The following MMRN1 variants were observed in gnomAD, a reference collection of about 807,000 sequenced individuals.
MMRN1 encodes multimerin-1.
MMRN1 carries 94 observed loss-of-function variants against 100.7 expected under a neutral mutation model. That is an observed-to-expected ratio of 0.93 (90% CI 0.79 to 1.11). The LOEUF is 1.11. MMRN1 is among the 50% of genes least tolerant of loss of function. The probability of loss-of-function intolerance (pLI) is 0.00; values close to 1 mark genes in which losing one functional copy is unlikely to be tolerated. For missense variants in MMRN1, 1,606 were observed against 1,439.1 expected (o/e 1.12, Z -1.88); for synonymous variants, 575 against 505.0 (o/e 1.14, Z -1.86).
intron 1 of MMRN1, among the ~76,000 whole-genome samples, chr4:89,889,073 C>G (rs1720995679): frequency 6.6e-6 from 1 of 152,098 alleles, no homozygotes; most frequent in African/African-American, 2.4e-5. Context: ...ATTCTGTTAG[C>G]CGTTTAGTGT....
intron 5 of MMRN1, among the ~76,000 whole-genome samples, chr4:89,934,582 T>C (rs377060950): frequency 1.3e-5 from 2 of 152,280 alleles, no homozygotes; most frequent in South Asian, 2.1e-4. Flanking sequence ...GGTTTTAGTA[T>C]GTTCTAGTAT....
At chr4:89,903,409 G>T (rs1313033910) in intron 1 of MMRN1, among the ~76,000 whole-genome samples, 1 of 150,782 alleles carries the variant, frequency 6.6e-6, no homozygotes, top group Non-Finnish European at 1.5e-5. Context: ...AAATGATGAT[G>T]ATGGTCTTCT....
chr4:89,909,800 C>T (rs1278380235), intron 2 of MMRN1, among the ~76,000 whole-genome samples: 1 of 151,320 alleles, frequency 6.6e-6, no homozygotes, highest in Non-Finnish European at 1.5e-5. Flanking sequence ...AAGTTTATAA[C>T]TTGGTTCATA....
At chr4:89,920,234 C>A (rs1454329237) in intron 3 of MMRN1, among the ~76,000 whole-genome samples, 1 of 152,036 alleles carries the variant, frequency 6.6e-6, no homozygotes, top group Non-Finnish European at 1.5e-5. Flanking sequence ...ATTGGCCGAC[C>A]ACATTGCTAC....
intron 1 of MMRN1, among the ~76,000 whole-genome samples, chr4:89,899,156 T>A (rs78896073): frequency 0.026 from 3,940 of 152,242 alleles, 86 homozygotes; most frequent in Non-Finnish European, 0.04. Context: ...GGTTCTTTTC[T>A]AGATTATTCA....
chr4:89,931,333 C>T (rs748882640), intron 5 of MMRN1, among the ~76,000 whole-genome samples: 4 of 152,058 alleles, frequency 2.6e-5, no homozygotes, highest in Non-Finnish European at 5.9e-5. Flanking sequence ...ATGTAAGTCC[C>T]TCATGTATGT....
intron 1 of MMRN1, among the ~76,000 whole-genome samples, chr4:89,907,829 G>GT (rs35010462): frequency 0.28 from 39,326 of 139,100 alleles, 6,428 homozygotes; most frequent in East Asian, 0.57. Context: ...CTGTTTTTTT[G>GT]TTTTTTTTTT....
In MMRN1 at chr4:89,900,309, A is replaced by G. The variant is rs148734112; in HGVS notation, c.623+4715A>G. Among the ~76,000 whole-genome samples, 595 of 152,160 alleles carry G rather than the reference A, an allele frequency of 3.9e-3. 8 individuals are homozygous for G. Among genetic ancestry groups the G allele is most frequent in the African/African-American group, 0.014 (574 of 41,550 alleles). ...ACTGCACTTCATTTCCTCCAGCCAC[A>G]CTGGCTTCCTTTCTGTTTATTGAAC... On this transcript the variant is annotated intron_variant, in intron 1 of 7. Transcript: ENST00000264790.
chr4:89,882,582 A>G (rs1479449637), intron 1 of MMRN1, among the ~76,000 whole-genome samples: 1 of 151,866 alleles, frequency 6.6e-6, no homozygotes, highest in Non-Finnish European at 1.5e-5. Flanking sequence ...ATGTCAGTTC[A>G]ATTTAAGTTG....
chr4:89,913,719 T>A lies in MMRN1; in HGVS notation c.850+1669T>A, dbSNP rs1018935273. On this transcript the variant is annotated intron_variant, in intron 3 of 7. Transcript: ENST00000264790. Reference sequence around the variant, plus strand: ...ATAGGTTTTATACTAGATTTACAAATCATTGTATTAATTTCCAGTGGCAAA... The same window carrying A: ...ATAGGTTTTATACTAGATTTACAAAACATTGTATTAATTTCCAGTGGCAAA... 3.3e-5 allele frequency among the ~76,000 whole-genome samples: 5 copies of A among 151,312 alleles called. No individual in the cohort carries two copies. The Admixed American group carries it at 3.3e-4, about 10-fold the overall frequency.
chr4:89,928,281 A>G (rs895884848), intron 5 of MMRN1, among the ~76,000 whole-genome samples: 2 of 152,148 alleles, frequency 1.3e-5, no homozygotes, highest in African/African-American at 2.4e-5. Context: ...TGTGTTATCT[A>G]CTTCAAGAAT....
intron 3 of MMRN1, among the ~76,000 whole-genome samples, chr4:89,922,187 C>T (rs549425127): frequency 3.3e-5 from 5 of 152,240 alleles, no homozygotes; most frequent in Non-Finnish European, 5.9e-5. Context: ...TCACTGCAAC[C>T]TCCGCCTCCC....
At chr4:89,895,654 G>A in intron 1 of MMRN1, 60 bp downstream of exon 1, 1 of 1,487,032 alleles carries the variant, frequency 6.7e-7, no homozygotes, top group Non-Finnish European at 8.9e-7. Context: ...AAGATTGCAA[G>A]TGAAATTTAC....
chr4:89,921,399 C>G (rs977070407), intron 3 of MMRN1, among the ~76,000 whole-genome samples: 2 of 152,118 alleles, frequency 1.3e-5, no homozygotes, highest in Non-Finnish European at 2.9e-5. Context: ...TTGCTTTACT[C>G]TCTAGTTATA....
intron 1 of MMRN1, among the ~76,000 whole-genome samples, chr4:89,887,729 T>G (rs1257650220): frequency 6.6e-6 from 1 of 152,034 alleles, no homozygotes; most frequent in African/African-American, 2.4e-5. Context: ...AATAACATTT[T>G]ACTTCTCACA....
At chr4:89,903,248 T>C (rs1235766426) in intron 1 of MMRN1, among the ~76,000 whole-genome samples, 1 of 151,836 alleles carries the variant, frequency 6.6e-6, no homozygotes, top group Non-Finnish European at 1.5e-5. Flanking sequence ...AAAACTTCTC[T>C]TTTTAGCTTG....
intron 1 of MMRN1, among the ~76,000 whole-genome samples, chr4:89,897,830 A>G (rs1013159971): frequency 1.8e-4 from 27 of 152,162 alleles, no homozygotes; most frequent in Middle Eastern, 3.2e-3. Flanking sequence ...TTCCCTATAA[A>G]AAGTAAACAC....
chr4:89,916,253 A>G (rs140146267), intron 3 of MMRN1, among the ~76,000 whole-genome samples: 4 of 151,840 alleles, frequency 2.6e-5, no homozygotes, highest in Admixed American at 1.3e-4. Context: ...ACTCCATCCA[A>G]TGAATTCCGG....
chr4:89,952,502 A>T (rs1327680441), intron 7 of MMRN1, among the ~76,000 whole-genome samples: 6 of 152,206 alleles, frequency 3.9e-5, no homozygotes, highest in Non-Finnish European at 4.4e-5. Context: ...TTACACAGAA[A>T]ATTGCCTTTG....
Sources: gnomAD v4.1 joint callset for allele counts (sites outside exome capture counted in the v4.1 genomes callset) on GRCh38, gnomAD v4.1.1 for gene constraint, MANE v1.5 for transcripts, NCBI Gene and HGNC (gene_info 2026-07-23, HGNC 2026-07-21) for gene names.